The following SPAG16 variants were observed in gnomAD, a reference collection of about 807,000 sequenced individuals.
SPAG16 encodes the protein sperm associated antigen 16.
SPAG16 carries 86 observed loss-of-function variants against 80.4 expected under a neutral mutation model. The observed-to-expected ratio is 1.07, with a 90% CI of 0.90 to 1.28. The LOEUF is 1.28. Among genes scored for constraint, SPAG16 ranks in the 50% most tolerant of loss-of-function variants. The pLI, the probability that SPAG16 is intolerant of heterozygous loss-of-function variation, is 0.00. For synonymous variants in SPAG16, 294 were observed against 265.9 expected, an observed-to-expected ratio of 1.11 and a Z score of -1.03; for missense variants, 870 against 765.3, an observed-to-expected ratio of 1.14 and a Z score of -1.61.
intron 13 of SPAG16, among the ~76,000 whole-genome samples, chr2:214,071,375 G>A (rs13019516): frequency 0.094 from 14,253 of 151,980 alleles, 872 homozygotes; most frequent in East Asian, 0.28. Context: ...TCAGGCAGTC[G>A]GACTTCTCCC....
intron 10 of SPAG16, among the ~76,000 whole-genome samples, chr2:213,802,513 C>A (rs2071483124): frequency 6.6e-6 from 1 of 151,890 alleles, no homozygotes; most frequent in Non-Finnish European, 1.5e-5. Flanking sequence ...TCTGAGATAG[C>A]CAACTATTTT....
At chr2:214,049,861 AT>A (rs1334908956) in intron 13 of SPAG16, among the ~76,000 whole-genome samples, 1 of 152,254 alleles carries the variant, frequency 6.6e-6, no homozygotes, top group Non-Finnish European at 1.5e-5. Flanking sequence ...TTTTAAAAAA[AT>A]ACCTTCTTAT....
chr2:213,836,670 C>T (rs965046900), intron 10 of SPAG16, among the ~76,000 whole-genome samples: 1 of 151,756 alleles, frequency 6.6e-6, no homozygotes, highest in African/African-American at 2.4e-5. Flanking sequence ...TGGAGTGCAA[C>T]GATGAGATCT....
At chr2:213,762,610 C>A (rs1437474972) in intron 10 of SPAG16, among the ~76,000 whole-genome samples, 1 of 152,050 alleles carries the variant, frequency 6.6e-6, no homozygotes, top group Non-Finnish European at 1.5e-5. Context: ...GAAATTGAAC[C>A]CTTACCTTGC....
chr2:214,110,997 T>C (rs529223836), intron 14 of SPAG16, among the ~76,000 whole-genome samples: 4 of 152,104 alleles, frequency 2.6e-5, no homozygotes, highest in Non-Finnish European at 5.9e-5. Context: ...TCCTAGTAAA[T>C]TTGTTTGAGT....
chr2:213,744,978 G>T (rs567721202), intron 10 of SPAG16, among the ~76,000 whole-genome samples: 10 of 152,060 alleles, frequency 6.6e-5, no homozygotes, highest in Non-Finnish European at 1.0e-4. Flanking sequence ...CTCATTTATG[G>T]ATTTTGGGTA....
At position 214,337,308 on chromosome 2, in the gene SPAG16, C is replaced by T. The variant is rs138127751; in HGVS notation, c.1721-72832C>T. On this transcript the variant is annotated intron_variant, in intron 15 of 15. Transcript: ENST00000331683. ...ACAAACTTATTAAGAAATCCACTCC[C>T]TAGAATCTTAACCCTGACCTAACCA... 2.6e-5 allele frequency among the ~76,000 whole-genome samples: 4 copies of T among 152,258 alleles called. No homozygotes were observed. In the East Asian group the frequency reaches 5.8e-4, roughly 22 times the overall value.
chr2:213,659,248 T>A (rs978202801), intron 10 of SPAG16, among the ~76,000 whole-genome samples: 1 of 151,788 alleles, frequency 6.6e-6, no homozygotes, highest in African/African-American at 2.4e-5. Context: ...ACATGGCAGA[T>A]ACCTTTAGAA....
chr2:214,168,284 G>A (rs144115856), intron 15 of SPAG16, among the ~76,000 whole-genome samples: 9 of 152,044 alleles, frequency 5.9e-5, no homozygotes, highest in African/African-American at 9.6e-5. Context: ...GAGCCACTGC[G>A]CCTAGACAGT....
At chr2:213,332,018 A>T (rs1205913166) in intron 5 of SPAG16, among the ~76,000 whole-genome samples, 1 of 152,182 alleles carries the variant, frequency 6.6e-6, no homozygotes, top group Non-Finnish European at 1.5e-5. Context: ...CAAGATTAGT[A>T]TAAAAAATAA....
At chr2:213,895,948 A>C (rs550012841) in intron 11 of SPAG16, among the ~76,000 whole-genome samples, 1 of 152,118 alleles carries the variant, frequency 6.6e-6, no homozygotes, top group South Asian at 2.1e-4. Flanking sequence ...GAAAAGAAAA[A>C]CCAGGATTAT....
At chr2:213,693,409 G>C (rs984431283) in intron 10 of SPAG16, among the ~76,000 whole-genome samples, 2 of 152,158 alleles carry the variant, frequency 1.3e-5, no homozygotes, top group African/African-American at 2.4e-5. Flanking sequence ...GCACACTGAC[G>C]CTTCAGTTTT....
chr2:214,333,303 A>G (rs545690629), intron 15 of SPAG16, among the ~76,000 whole-genome samples: 14 of 152,302 alleles, frequency 9.2e-5, no homozygotes, highest in African/African-American at 7.2e-5. Context: ...CTAGTTGGCT[A>G]TCTATCTTGC....
intron 15 of SPAG16, among the ~76,000 whole-genome samples, chr2:214,331,314 A>T (rs1254808723): frequency 1.3e-5 from 2 of 152,140 alleles, no homozygotes; most frequent in Non-Finnish European, 2.9e-5. Flanking sequence ...CTGATCATCA[A>T]GGTCAGTTAC....
intron 13 of SPAG16, among the ~76,000 whole-genome samples, chr2:214,091,152 T>G (rs966078878): frequency 6.6e-6 from 1 of 152,134 alleles, no homozygotes; most frequent in Non-Finnish European, 1.5e-5. Flanking sequence ...ATTAACAACA[T>G]GTGTATAAAT....
rs143071951 is a variant in SPAG16, at chr2:213,899,969, G to A, written c.1215-29991G>A. Among the ~76,000 whole-genome samples the A allele has an allele frequency of 5.9e-3, 895 of 152,182 alleles. 9 individuals are homozygous for A. The highest frequency in any genetic ancestry group is 9.3e-3 in the South Asian group (45 of 4,826). ...TTGATGCAGCTTTGTACAACTCTTA[G>A]TACCAAAGCAGAGATTGCGAAGAAA... On this transcript the variant is annotated intron_variant, in intron 11 of 15. Coordinates refer to ENST00000331683, the MANE Select transcript of SPAG16 (RefSeq NM_024532.5).
intron 10 of SPAG16, among the ~76,000 whole-genome samples, chr2:213,492,452 AG>A (rs1459011693): frequency 6.6e-6 from 1 of 152,064 alleles, no homozygotes; most frequent in East Asian, 1.9e-4. Context: ...CGGGAGGCTG[AG>A]GCAGGAGAAT....
chr2:213,563,553 G>T (rs1355515567), intron 10 of SPAG16, among the ~76,000 whole-genome samples: 4 of 152,190 alleles, frequency 2.6e-5, no homozygotes, highest in African/African-American at 9.6e-5. Flanking sequence ...CAGACAGAGA[G>T]AAAGAAGTAT....
intron 5 of SPAG16, among the ~76,000 whole-genome samples, chr2:213,328,729 G>A (rs1328352889): frequency 6.6e-6 from 1 of 152,120 alleles, no homozygotes; most frequent in Non-Finnish European, 1.5e-5. Flanking sequence ...GTTGGTCTTT[G>A]TAGGAGTTTC....
Sources: allele counts gnomAD v4.1 joint callset (sites outside exome capture counted in the v4.1 genomes callset), GRCh38; gene constraint gnomAD v4.1.1; transcripts MANE v1.5; gene names NCBI Gene and HGNC (gene_info 2026-07-23, HGNC 2026-07-21).